The following SFI1 variants were observed in gnomAD, a reference collection of about 807,000 sequenced individuals.
SFI1 encodes SFI1 centrin binding protein.
Under a neutral mutation model 207.5 loss-of-function variants are expected in SFI1, and 195 were observed. That is an observed-to-expected ratio of 0.94 (90% CI 0.84 to 1.06). The LOEUF is 1.06. SFI1 is among the 50% of genes least tolerant of loss of function. The pLI, the probability that SFI1 is intolerant of heterozygous loss-of-function variation, is 0.00. For synonymous variants in SFI1, 630 were observed against 598.9 expected (o/e 1.05, Z -0.76); for missense variants, 1,634 against 1,588.0 (o/e 1.03, Z -0.49).
At chr22:31,585,160 C>G in intron 14 of SFI1, 26 bp downstream of exon 14, 3 of 1,585,062 alleles carry the variant, frequency 1.9e-6, no homozygotes, top group South Asian at 1.1e-5. Flanking sequence ...TAGCAGATAG[C>G]TCTACTGGCT....
At position 31,557,021 on chromosome 22, in the gene SFI1, G is replaced by T; in HGVS notation, c.624G>T (p.Gln208His). Residue 208 changes from glutamine to histidine, a missense_variant, in exon 7 of 33, where the codon CAG (glutamine) becomes CAT (histidine). Coordinates refer to ENST00000400288, the MANE Select transcript of SFI1 (RefSeq NM_001007467.3). The part of the protein sequence containing the change: ...VVVRRTKLQM[Q>H]TTALEFRQRI... The stretch of plus-strand genomic sequence containing the variant: ...TTCGTAGGACCAAACTTCAGATGCA[G>T]ACTACAGCTCTGGAGTTTAGGCAAC... 6.2e-7 allele frequency: 1 copy of T among 1,612,244 alleles called. No individual in the cohort carries two copies. Among genetic ancestry groups the T allele is most frequent in the Non-Finnish European group, 8.5e-7 (1 of 1,178,794 alleles).
intron 2 of SFI1, among the ~76,000 whole-genome samples, chr22:31,520,282 T>G (rs1335847610): frequency 6.6e-6 from 1 of 152,156 alleles, no homozygotes; most frequent in African/African-American, 2.4e-5. Context: ...TGAATGGTAA[T>G]TACTTTCTCA....
At chr22:31,536,891 T>G (rs1261725269) in intron 4 of SFI1, among the ~76,000 whole-genome samples, 2 of 151,858 alleles carry the variant, frequency 1.3e-5, no homozygotes, top group Non-Finnish European at 2.9e-5. Context: ...GTTTTTTCTG[T>G]TTTTTGTTTT....
At chr22:31,614,003 G>A in intron 27 of SFI1, 148 bp downstream of exon 27, 1 of 1,113,000 alleles carries the variant, frequency 9.0e-7, no homozygotes, top group Non-Finnish European at 1.2e-6. Flanking sequence ...CTCTTCTCCA[G>A]CCAGATCCCA....
At chr22:31,593,815 G>A (rs1299552971) in intron 15 of SFI1, among the ~76,000 whole-genome samples, 6 of 148,632 alleles carry the variant, frequency 4.0e-5, no homozygotes, top group South Asian at 2.2e-4. Flanking sequence ...CCAACACAGC[G>A]AAACCCCGTC....
chr22:31,571,477 TA>T (rs766023476), intron 8 of SFI1, among the ~76,000 whole-genome samples: 1 of 149,940 alleles, frequency 6.7e-6, no homozygotes, highest in Non-Finnish European at 1.5e-5. Context: ...CATGCCTGGC[TA>T]ATTTTTTTTT....
intron 6 of SFI1, among the ~76,000 whole-genome samples, chr22:31,551,075 G>A (rs530306881): frequency 1.5e-3 from 223 of 152,182 alleles, no homozygotes; most frequent in Middle Eastern, 3.4e-3. Flanking sequence ...TGCAATCATC[G>A]TTGCATTGCT....
chr22:31,577,441 A>C (rs1452295782), intron 10 of SFI1, among the ~76,000 whole-genome samples: 2 of 152,198 alleles, frequency 1.3e-5, no homozygotes, highest in African/African-American at 4.8e-5. Context: ...CATGTTGCCC[A>C]GGCTGGAGTG....
intron 3 of SFI1, among the ~76,000 whole-genome samples, chr22:31,529,593 A>G (rs1173146259): frequency 6.6e-6 from 1 of 152,204 alleles, no homozygotes; most frequent in African/African-American, 2.4e-5. Flanking sequence ...GAGCATATAA[A>G]GTGAGTAAGA....
At chr22:31,597,300 A>T (rs1345511476) in intron 15 of SFI1, among the ~76,000 whole-genome samples, 1 of 152,186 alleles carries the variant, frequency 6.6e-6, no homozygotes. Context: ...CGACTTGGAG[A>T]CAGGGTATAG....
intron 9 of SFI1, among the ~76,000 whole-genome samples, chr22:31,573,680 C>T (rs1217769345): frequency 3.3e-5 from 5 of 152,110 alleles, no homozygotes; most frequent in Middle Eastern, 3.2e-3. Context: ...TCAGGTGATC[C>T]GCCTGCCTCA....
chr22:31,562,927 C>T lies in SFI1; in HGVS notation c.765+1535C>T, dbSNP rs116550134. Among the ~76,000 whole-genome samples, 631 of 150,784 alleles carry T rather than the reference C, an allele frequency of 4.2e-3. 4 individuals carry two copies. The highest frequency in any genetic ancestry group is 0.014 in the African/African-American group (590 of 41,016). The stretch of plus-strand genomic sequence containing the variant: ...TATTACAGGCGTGAGCCACCACATC[C>T]GGCCGCTTGGAGCCAGGTTTTAACC... On this transcript the variant is annotated intron_variant, in intron 8 of 32. Coordinates refer to ENST00000400288, the MANE Select transcript of SFI1 (RefSeq NM_001007467.3).
intron 15 of SFI1, among the ~76,000 whole-genome samples, chr22:31,593,015 C>G (rs1412389693): frequency 8.0e-6 from 1 of 125,304 alleles, no homozygotes; most frequent in Non-Finnish European, 1.7e-5. Flanking sequence ...CCGGACGGCA[C>G]GGCTGGCCAG....
At chr22:31,546,470 A>G (rs757762771) in intron 4 of SFI1, among the ~76,000 whole-genome samples, 2 of 151,998 alleles carry the variant, frequency 1.3e-5, no homozygotes, top group Non-Finnish European at 2.9e-5. Context: ...AGCTGGGACT[A>G]CAGGTGCGTG....
rs772533633 is a variant in SFI1, at chr22:31,604,927, A to T, written c.2036A>T (p.His679Leu). 3 of 1,610,654 alleles carry T rather than the reference A, an allele frequency of 1.9e-6. No individual in the cohort carries two copies. The Admixed American group carries it at 5.0e-5, about 27-fold the overall frequency. Residue 679 changes from histidine (H) to leucine (L), a missense_variant, in exon 20 of 33, where the codon CAC (histidine) becomes CTC (leucine). By Grantham distance (99) the His-to-Leu change is moderately conservative. Transcript: ENST00000400288. ...LREVAARESQ[H>L]NRQLLRGALR... ...GAGGTGGCAGCCAGGGAGAGCCAGC[A>T]CAACAGGCAGCTGCTGCGGTGAGTC... is the stretch of plus-strand genomic sequence containing the variant.
rs2147041372 is a variant in SFI1, at chr22:31,519,953, G to C, written c.93-8737G>C. Among the ~76,000 whole-genome samples, 2 of 151,284 alleles carry C rather than the reference G, an allele frequency of 1.3e-5. 1 individual carries two copies. The highest frequency in any genetic ancestry group is 4.2e-4 in the South Asian group (2 of 4,778). On this transcript the variant is annotated intron_variant, in intron 2 of 32. Coordinates refer to ENST00000400288, the MANE Select transcript of SFI1 (RefSeq NM_001007467.3). ...GGCTAATTTTTGTATTTTTGGTAGAGATGGGGTTTCACCTGTTGCCCAGGG... is the reference window on the plus strand; with the variant it reads ...GGCTAATTTTTGTATTTTTGGTAGACATGGGGTTTCACCTGTTGCCCAGGG...
intron 5 of SFI1, among the ~76,000 whole-genome samples, chr22:31,549,626 G>A (rs5998038): frequency 1.3e-5 from 2 of 151,854 alleles, no homozygotes; most frequent in East Asian, 3.9e-4. Flanking sequence ...CAGCCTCCCA[G>A]AGTGCTGAGA....
chr22:31,564,980 ATTT>A (rs71746917), intron 8 of SFI1, among the ~76,000 whole-genome samples: 21 of 141,608 alleles, frequency 1.5e-4, no homozygotes, highest in Admixed American at 2.9e-4. Flanking sequence ...CGCCTGGCTA[ATTT>A]TTTTTTTTTT....
intron 8 of SFI1, among the ~76,000 whole-genome samples, chr22:31,565,118 C>A (rs569465729): frequency 6.6e-6 from 1 of 150,470 alleles, no homozygotes; most frequent in Non-Finnish European, 1.5e-5. Context: ...CCACCGTGCC[C>A]GGCCCAGAAT....
Sources: gnomAD v4.1 joint callset for allele counts (sites outside exome capture counted in the v4.1 genomes callset) on GRCh38, gnomAD v4.1.1 for gene constraint, MANE v1.5 for transcripts, NCBI Gene and HGNC (gene_info 2026-07-23, HGNC 2026-07-21) for gene names.